The following FSTL5 variants were observed in gnomAD, a reference collection of about 807,000 sequenced individuals.
FSTL5 encodes follistatin-related protein 5.
A neutral mutation model predicts 89.1 loss-of-function variants in FSTL5; 62 were observed. The ratio of observed to expected loss-of-function variants is 0.70; its 90% CI spans 0.57 to 0.86. The LOEUF (loss-of-function observed/expected upper bound fraction) is 0.86, where lower values mean the gene tolerates loss of function less well. Among genes scored for constraint, FSTL5 ranks in the 40% least tolerant of loss-of-function variants. The probability of loss-of-function intolerance (pLI) is 0.00; values close to 1 mark genes in which losing one functional copy is unlikely to be tolerated. For missense variants in FSTL5, 1,057 were observed against 1,001.6 expected (o/e 1.06, Z -0.75); for synonymous variants, 383 against 346.2 (o/e 1.11, Z -1.18).
intron 4 of FSTL5, among the ~76,000 whole-genome samples, chr4:161,889,315 T>C (rs1057286651): frequency 1.3e-5 from 2 of 152,128 alleles, no homozygotes; most frequent in Admixed American, 6.5e-5. Flanking sequence ...TGCAGGGTAA[T>C]GGTAATCCAT....
chr4:161,775,755 C>A, intron 5 of FSTL5, 123 bp downstream of exon 5: 1 of 496,392 alleles, frequency 2.0e-6, no homozygotes, highest in Non-Finnish European at 3.5e-6. Flanking sequence ...TGTTGTTATT[C>A]ATATACTTTT....
chr4:162,013,593 TTTG>T (rs1736831453), intron 3 of FSTL5, among the ~76,000 whole-genome samples: 1 of 152,186 alleles, frequency 6.6e-6, no homozygotes, highest in South Asian at 2.1e-4. Context: ...CCATAGGTCC[TTTG>T]TTGTTGTTCT....
chr4:161,757,675 AT>A (rs1740625379), intron 6 of FSTL5, among the ~76,000 whole-genome samples: 1 of 151,816 alleles, frequency 6.6e-6, no homozygotes, highest in Admixed American at 6.6e-5. Flanking sequence ...CTGGAGTGCA[AT>A]TGCGTGATCT....
At position 161,510,382 on chromosome 4, in the gene FSTL5, T is replaced by C; in HGVS notation, c.1339+16A>G. ...AAGCAAAATTGTCACAACATAAAAA[T>C]AATTCAACTTAGTACCTTCTTCTCT... On this transcript the variant is annotated intron_variant, in intron 11 of 15. Coordinates refer to ENST00000306100, the MANE Select transcript of FSTL5 (RefSeq NM_020116.5). The C allele has an allele frequency of 6.7e-7, 1 of 1,500,136 alleles. No individual in the cohort carries two copies. Among genetic ancestry groups the C allele is most frequent in the Non-Finnish European group, 9.0e-7 (1 of 1,112,360 alleles). The allele number at this position is 1,500,136 out of a possible 1,614,324, so 92.9% of individuals were successfully genotyped here.
At chr4:161,609,167 T>A (rs935162932) in intron 7 of FSTL5, among the ~76,000 whole-genome samples, 1 of 152,128 alleles carries the variant, frequency 6.6e-6, no homozygotes, top group Non-Finnish European at 1.5e-5. Flanking sequence ...GCCTGGCACA[T>A]ACACAGTGTT....
chr4:161,716,350 A>C (rs1292614212), intron 6 of FSTL5, among the ~76,000 whole-genome samples: 3 of 152,134 alleles, frequency 2.0e-5, no homozygotes, highest in African/African-American at 7.2e-5. Flanking sequence ...TAATGAAAGC[A>C]ATTTGGAAGG....
chr4:162,125,343 T>A (rs1732037724), intron 1 of FSTL5, among the ~76,000 whole-genome samples: 1 of 143,610 alleles, frequency 7.0e-6, no homozygotes, highest in African/African-American at 2.8e-5. Context: ...TATTTGTAAC[T>A]AAATTTTTTT....
At chr4:161,680,509 C>T (rs542621992) in intron 6 of FSTL5, among the ~76,000 whole-genome samples, 35 of 151,908 alleles carry the variant, frequency 2.3e-4, no homozygotes, top group African/African-American at 8.2e-4. Flanking sequence ...TTTAACTTTT[C>T]TCTTTTTGTT....
intron 1 of FSTL5, among the ~76,000 whole-genome samples, chr4:162,151,213 A>G (rs763789007): frequency 6.6e-6 from 1 of 152,148 alleles, no homozygotes; most frequent in South Asian, 2.1e-4. Context: ...AATTGGAAAA[A>G]GTTTTTAAAT....
Position 161,775,974 on chromosome 4 carries a change from G to A in FSTL5, c.510C>T (p.Gly170=), listed in dbSNP as rs764235242. The change falls in exon 5 of 16, where the codon GGC becomes GGT. Residue 170 remains glycine (G), a synonymous_variant. Coordinates refer to ENST00000306100, the MANE Select transcript of FSTL5 (RefSeq NM_020116.5). ...YIMQENENPN[G]DDISRKKLLV... ...ATAGCTTCTTCCGAGATATGTCGTC[G>A]CCATTAGGATTTTCATTTTCTTGCA... 9.0e-5 allele frequency: 144 copies of A among 1,601,976 alleles called. No individual in the cohort carries two copies. The Admixed American group carries it at 1.7e-3, about 18-fold the overall frequency.
chr4:161,874,342 G>A (rs1296661832), intron 4 of FSTL5, among the ~76,000 whole-genome samples: 1 of 151,756 alleles, frequency 6.6e-6, no homozygotes, highest in Non-Finnish European at 1.5e-5. Flanking sequence ...CAGTTAATAT[G>A]TTTTATATTT....
At chr4:161,564,996 T>G (rs542011465) in intron 8 of FSTL5, among the ~76,000 whole-genome samples, 1 of 151,920 alleles carries the variant, frequency 6.6e-6, no homozygotes, top group African/African-American at 2.4e-5. Flanking sequence ...AAATTATATG[T>G]ATTTTGTTAT....
At chr4:161,660,341 C>G (rs1468335463) in intron 6 of FSTL5, among the ~76,000 whole-genome samples, 1 of 152,120 alleles carries the variant, frequency 6.6e-6, no homozygotes, top group East Asian at 1.9e-4. Context: ...CTAGAAGAAT[C>G]TGAAGCCAAA....
intron 2 of FSTL5, among the ~76,000 whole-genome samples, chr4:162,102,412 C>T (rs953382564): frequency 3.3e-5 from 5 of 150,826 alleles, no homozygotes; most frequent in Admixed American, 6.6e-5. Flanking sequence ...TAAAGTCAAA[C>T]GTGTATAGTA....
Position 162,145,374 on chromosome 4 carries a change from G to A in FSTL5, c.-17+18241C>T, listed in dbSNP as rs548256762. Among the ~76,000 whole-genome samples, 7 of 152,104 alleles carry A rather than the reference G, an allele frequency of 4.6e-5. No individual in the cohort carries two copies. The South Asian group carries it at 1.5e-3, about 32-fold the overall frequency. Reference sequence around the variant, plus strand: ...TCTATTTTCAAAATATCTATAAAATGCAAATTTAAAGAGGTTTCCATACAA... The same window carrying A: ...TCTATTTTCAAAATATCTATAAAATACAAATTTAAAGAGGTTTCCATACAA... On this transcript the variant is annotated intron_variant, in intron 1 of 15. Coordinates refer to ENST00000306100, the MANE Select transcript of FSTL5 (RefSeq NM_020116.5).
At chr4:161,557,944 G>A (rs1025189557) in intron 8 of FSTL5, among the ~76,000 whole-genome samples, 3 of 151,666 alleles carry the variant, frequency 2.0e-5, no homozygotes, top group Non-Finnish European at 4.4e-5. Flanking sequence ...GCTTAAAGAT[G>A]GGGATGTTTT....
intron 7 of FSTL5, among the ~76,000 whole-genome samples, chr4:161,607,006 GTGAAA>G (rs1734470951): frequency 6.6e-6 from 1 of 152,092 alleles, no homozygotes; most frequent in South Asian, 2.1e-4. Context: ...GGCTGCAAGG[GTGAAA>G]TGAAATGATT....
chr4:161,431,967 C>A (rs1205471804), intron 15 of FSTL5, among the ~76,000 whole-genome samples: 3 of 151,994 alleles, frequency 2.0e-5, no homozygotes, highest in Non-Finnish European at 4.4e-5. Context: ...ATATATAAAG[C>A]AAATATTATT....
intron 6 of FSTL5, among the ~76,000 whole-genome samples, chr4:161,687,411 T>TA (rs1395665333): frequency 6.6e-6 from 1 of 152,246 alleles, no homozygotes; most frequent in Non-Finnish European, 1.5e-5. Flanking sequence ...TATATTTTCA[T>TA]ACATTTATTT....
Sources: gnomAD v4.1 joint callset for allele counts (sites outside exome capture counted in the v4.1 genomes callset) on GRCh38, gnomAD v4.1.1 for gene constraint, MANE v1.5 for transcripts, NCBI Gene and HGNC (gene_info 2026-07-23, HGNC 2026-07-21) for gene names.